Variants in STK3 observed in about 807,000 individuals in gnomAD.
STK3 encodes serine/threonine kinase 3, also known as serine/threonine-protein kinase 3.
STK3 carries 41 observed loss-of-function variants against 58.0 expected under a neutral mutation model. The observed-to-expected ratio is 0.71, with a 90% CI of 0.55 to 0.92. The LOEUF (loss-of-function observed/expected upper bound fraction) is 0.92. Among genes scored for constraint, STK3 ranks in the 40% least tolerant of loss-of-function variants. The pLI is 0.00. For missense variants in STK3, 479 were observed against 602.7 expected (o/e 0.79, Z 2.15); for synonymous variants, 170 against 191.0 (o/e 0.89, Z 0.91).
chr8:98,495,976 TCA>T (rs1027402681), intron 10 of STK3, among the ~76,000 whole-genome samples: 1 of 152,184 alleles, frequency 6.6e-6, no homozygotes, highest in Non-Finnish European at 1.5e-5. Flanking sequence ...CCTTAATTCT[TCA>T]CAGTGTAAAT....
chr8:98,586,821 C>T (rs531359777), intron 7 of STK3, among the ~76,000 whole-genome samples: 2 of 151,766 alleles, frequency 1.3e-5, no homozygotes, highest in Non-Finnish European at 2.9e-5. Flanking sequence ...CTGGTTTAGT[C>T]CTGGGAGAGT....
At chr8:98,758,362 A>T (rs1304623525) in intron 3 of STK3, among the ~76,000 whole-genome samples, 1 of 152,244 alleles carries the variant, frequency 6.6e-6, no homozygotes, top group Non-Finnish European at 1.5e-5. Flanking sequence ...AAAACTTCAG[A>T]CCAATATCTC....
chr8:98,632,559 G>A (rs1182734520), intron 6 of STK3, among the ~76,000 whole-genome samples: 1 of 152,088 alleles, frequency 6.6e-6, no homozygotes, highest in East Asian at 1.9e-4. Context: ...TAGATCTGAC[G>A]CAGAGGAAAA....
intron 3 of STK3, among the ~76,000 whole-genome samples, chr8:98,878,408 C>T (rs1029408638): frequency 2.6e-5 from 4 of 152,246 alleles, no homozygotes; most frequent in Admixed American, 6.5e-5. Context: ...CCTCATAAAG[C>T]AACCTTTTTG....
At position 98,715,262 on chromosome 8, in the gene STK3, G is replaced by A. The variant is rs563917969; in HGVS notation, c.352-7951C>T. On this transcript the variant is annotated intron_variant, in intron 4 of 10. Transcript: ENST00000419617. ...CTAAAACACCAAAAGCAATGGCAAC[G>A]AAAGCCAAAATTGACAAATGGGATC... Among the ~76,000 whole-genome samples, 1,139 of 152,080 alleles carry A rather than the reference G, an allele frequency of 7.5e-3. 9 individuals carry two copies. Among genetic ancestry groups the A allele is most frequent in the African/African-American group, 0.025 (1,048 of 41,518 alleles).
chr8:98,360,059 C>T, the STK3 span, among the ~76,000 whole-genome samples: 8,181 of 152,238 alleles, frequency 0.054, 358 homozygotes, highest in East Asian at 0.26. Flanking sequence ...TGAGGGCCCA[C>T]CATAAACTGG....
chr8:98,940,200 G>C (rs1300773758), intron 1 of STK3, among the ~76,000 whole-genome samples: 1 of 152,278 alleles, frequency 6.6e-6, no homozygotes, highest in East Asian at 1.9e-4. Flanking sequence ...GCAGGAGCCG[G>C]TGCGCCCTTC....
At chr8:98,467,427 G>A (rs1182912591) in intron 10 of STK3, among the ~76,000 whole-genome samples, 1 of 152,060 alleles carries the variant, frequency 6.6e-6, no homozygotes, top group East Asian at 1.9e-4. Context: ...TTGGTGGCAT[G>A]CTTTAGAATA....
At chr8:98,614,979 TGCCTCTGTAA>T (rs1817558059) in intron 6 of STK3, among the ~76,000 whole-genome samples, 1 of 152,220 alleles carries the variant, frequency 6.6e-6, no homozygotes. Context: ...GAGGCCTGCC[TGCCTCTGTAA>T]GCTCCACGTC....
At chr8:98,747,782 T>G (rs762626260) in intron 4 of STK3, among the ~76,000 whole-genome samples, 15 of 152,198 alleles carry the variant, frequency 9.9e-5, no homozygotes, top group Non-Finnish European at 1.8e-4. Context: ...TTTTCATATA[T>G]GGAAATTAGA....
At chr8:98,774,287 A>G (rs1490665592) in intron 2 of STK3, among the ~76,000 whole-genome samples, 1 of 152,134 alleles carries the variant, frequency 6.6e-6, no homozygotes, top group Admixed American at 6.6e-5. Flanking sequence ...TTTTGAAATC[A>G]TGTCAACTAT....
downstream of STK3, among the ~76,000 whole-genome samples, chr8:98,370,347 G>T (rs1817599192): frequency 7.2e-6 from 1 of 138,204 alleles, no homozygotes; most frequent in African/African-American, 2.9e-5. Flanking sequence ...TCTGCAGTGT[G>T]TGTGTGTGTG....
intron 6 of STK3, among the ~76,000 whole-genome samples, chr8:98,630,496 T>C (rs2130496786): frequency 6.6e-6 from 1 of 151,892 alleles, no homozygotes; most frequent in East Asian, 1.9e-4. Context: ...TTTTAAAAAT[T>C]AGCAGGGGTG....
chr8:98,420,089 T>A (rs1818153132), intron 3 of STK3, among the ~76,000 whole-genome samples: 1 of 152,238 alleles, frequency 6.6e-6, no homozygotes, highest in South Asian at 2.1e-4. Flanking sequence ...TCTACTTTCT[T>A]TGGTCTCATT....
intron 10 of STK3, among the ~76,000 whole-genome samples, chr8:98,505,195 T>C (rs1000398742): frequency 3.3e-5 from 5 of 152,234 alleles, no homozygotes; most frequent in Non-Finnish European, 7.3e-5. Context: ...CTATTGAAGC[T>C]TGTGCATGTG....
rs570644320 is a variant in STK3 at position 98,775,526 on chromosome 8, T to C, written c.27-707A>G. Among the ~76,000 whole-genome samples, 20 of 152,356 alleles carry C rather than the reference T, an allele frequency of 1.3e-4. No homozygotes were observed. The South Asian group carries it at 4.1e-3, about 32-fold the overall frequency. ...GTGCATTACTCACTGTGGGTTTTTTTGCTTATTCTCTGCTTTGTTGGATAA... is the reference window on the plus strand; with the variant it reads ...GTGCATTACTCACTGTGGGTTTTTTCGCTTATTCTCTGCTTTGTTGGATAA... On this transcript the variant is annotated intron_variant, in intron 1 of 10. Transcript: ENST00000419617.
In STK3 at chr8:98,633,867, G is replaced by A. The variant is rs1034196985; in HGVS notation, c.685-37698C>T. Reference sequence around the variant, plus strand: ...ACTTGAAGTCATCAAAAAACCCCAGGCCTGAAGAAATAAAGTAAAATTAAC... The same window carrying A: ...ACTTGAAGTCATCAAAAAACCCCAGACCTGAAGAAATAAAGTAAAATTAAC... On this transcript the variant is annotated intron_variant, in intron 6 of 10. Coordinates refer to ENST00000419617, the MANE Select transcript of STK3 (RefSeq NM_006281.4). 12 of 386,788 alleles carry A rather than the reference G, an allele frequency of 3.1e-5. No homozygotes were observed. In the East Asian group the frequency reaches 3.7e-4, roughly 12 times the overall value. The allele number at this position is 386,788 out of a possible 1,614,324, so 24.0% of individuals were successfully genotyped here.
intron 1 of STK3, among the ~76,000 whole-genome samples, chr8:98,919,306 C>T (rs1486858138): frequency 1.3e-5 from 2 of 152,112 alleles, no homozygotes; most frequent in Non-Finnish European, 2.9e-5. Context: ...TACATCTGTC[C>T]ATTCACCTAC....
At chr8:98,860,894 T>A (rs1587763979) in intron 3 of STK3, among the ~76,000 whole-genome samples, 1 of 151,786 alleles carries the variant, frequency 6.6e-6, no homozygotes, top group African/African-American at 2.4e-5. Flanking sequence ...ATCCCTACAA[T>A]AAAATAAAAT....
Sources: gnomAD v4.1 joint callset for allele counts (sites outside exome capture counted in the v4.1 genomes callset) on GRCh38, gnomAD v4.1.1 for gene constraint, MANE v1.5 for transcripts, NCBI Gene and HGNC (gene_info 2026-07-23, HGNC 2026-07-21) for gene names.